Variants in OCA2 observed in about 807,000 individuals in gnomAD.
The protein encoded by OCA2 is P protein.
Under a neutral mutation model 100.2 loss-of-function variants are expected in OCA2, and 77 were observed. That is an observed-to-expected ratio of 0.77 (90% CI 0.64 to 0.93). The LOEUF is 0.93. OCA2 is among the 40% of genes least tolerant of loss of function. The pLI is 0.00. For synonymous variants in OCA2, 432 were observed against 439.2 expected (o/e 0.98, Z 0.21); for missense variants, 1,062 against 1,089.1 (o/e 0.98, Z 0.35).
intron 4 of OCA2, 32 bp downstream of exon 4, chr15:28,027,839 G>A (rs1437987685): frequency 5.0e-6 from 8 of 1,609,968 alleles, no homozygotes; most frequent in Non-Finnish European, 5.9e-6. Flanking sequence ...GGCCACCGCT[G>A]CTGCCAGGGT....
intron 19 of OCA2, among the ~76,000 whole-genome samples, chr15:27,897,386 G>A (rs1319004830): frequency 6.6e-6 from 1 of 152,016 alleles, no homozygotes; most frequent in African/African-American, 2.4e-5. Flanking sequence ...TCCCTGCTCT[G>A]TGCAGCCCAG....
At chr15:27,842,279 T>C (rs180843503) in intron 23 of OCA2, among the ~76,000 whole-genome samples, 37 of 152,238 alleles carry the variant, frequency 2.4e-4, no homozygotes, top group African/African-American at 8.9e-4. Context: ...GCAGGAAAAA[T>C]GTAAGAAAAC....
At chr15:27,921,092 T>G (rs563757827) in intron 19 of OCA2, among the ~76,000 whole-genome samples, 79 of 152,082 alleles carry the variant, frequency 5.2e-4, no homozygotes, top group Non-Finnish European at 9.9e-4. Flanking sequence ...CTAAAGATCT[T>G]AAAAGTTAAA....
chr15:27,953,267 C>CT (rs1275833175), intron 17 of OCA2, among the ~76,000 whole-genome samples: 1 of 152,204 alleles, frequency 6.6e-6, no homozygotes, highest in African/African-American at 2.4e-5. Flanking sequence ...GGTAAAGCTG[C>CT]TGCCATCAAA....
At chr15:27,846,831 C>T (rs915347463) in intron 22 of OCA2, among the ~76,000 whole-genome samples, 8 of 151,980 alleles carry the variant, frequency 5.3e-5, no homozygotes, top group Non-Finnish European at 1.0e-4. Context: ...CTGGGGCCTG[C>T]ATGAGGAAGG....
At chr15:28,003,005 A>G (rs984132782) in intron 9 of OCA2, among the ~76,000 whole-genome samples, 1 of 152,252 alleles carries the variant, frequency 6.6e-6, no homozygotes, top group African/African-American at 2.4e-5. Flanking sequence ...GCAGTCCTCC[A>G]GCATCCGAAA....
the OCA2 span, among the ~76,000 whole-genome samples, chr15:27,748,507 C>T: frequency 6.6e-5 from 10 of 152,210 alleles, no homozygotes; most frequent in African/African-American, 1.9e-4. Flanking sequence ...TCATTGGAGC[C>T]GCAGTGCACA....
At chr15:28,049,839 G>C (rs1380862447) in intron 2 of OCA2, among the ~76,000 whole-genome samples, 1 of 152,208 alleles carries the variant, frequency 6.6e-6, no homozygotes, top group Non-Finnish European at 1.5e-5. Flanking sequence ...AATGAGCACA[G>C]AGTTCATAGT....
At chr15:27,746,529 A>T in the OCA2 span, among the ~76,000 whole-genome samples, 3 of 152,190 alleles carry the variant, frequency 2.0e-5, 1 homozygote, top group Admixed American at 2.0e-4. Flanking sequence ...ACTTAACTAG[A>T]AAGAAAAACA....
chr15:27,968,466 G>A (rs551852123), intron 14 of OCA2, among the ~76,000 whole-genome samples: 249 of 152,350 alleles, frequency 1.6e-3, no homozygotes, highest in Non-Finnish European at 2.6e-3. Context: ...AGGATCCCAC[G>A]TTGGGAGTTT....
chr15:27,782,465 A>T (rs2151093090), intron 23 of OCA2, among the ~76,000 whole-genome samples: 1 of 152,340 alleles, frequency 6.6e-6, no homozygotes, highest in South Asian at 2.1e-4. Flanking sequence ...AAATTGAAAA[A>T]CCACAGCAAA....
intron 9 of OCA2, among the ~76,000 whole-genome samples, chr15:28,000,765 CA>C (rs543283023): frequency 6.6e-6 from 1 of 151,822 alleles, no homozygotes; most frequent in South Asian, 2.1e-4. Flanking sequence ...GAATCAAGAG[CA>C]AAAAAATCAA....
the OCA2 span, among the ~76,000 whole-genome samples, chr15:27,739,734 C>A: frequency 2.0e-5 from 3 of 152,154 alleles, no homozygotes; most frequent in South Asian, 2.1e-4. Context: ...GTGTGAGCCA[C>A]AGCGCCTGGC....
In OCA2 at chr15:28,014,787, T is replaced by A; in HGVS notation, c.1033A>T (p.Ile345Phe). 1 of 1,613,266 alleles carries A rather than the reference T, an allele frequency of 6.2e-7. No individual in the cohort carries two copies. The highest frequency in any genetic ancestry group is 8.5e-7 in the Non-Finnish European group (1 of 1,179,976). Reference protein sequence around the residue: ...TAILAGVYALIIFEIVHRTLA... With the variant: ...TAILAGVYALFIFEIVHRTLA... ...GGTGTGAAAGTTACCTCAAATATGA[T>A]CAGCGCGTAGACGCCCGCGAGGATG... Residue 345 changes from isoleucine (I) to phenylalanine (F), a missense_variant, in exon 9 of 24, where the codon ATC (isoleucine) becomes TTC (phenylalanine). Transcript: ENST00000354638.
Position 27,830,656 on chromosome 15 carries a change from G to A in OCA2, c.2432+14303C>T, listed in dbSNP as rs997147590. On this transcript the variant is annotated intron_variant, in intron 23 of 23. Transcript: ENST00000354638. The stretch of plus-strand genomic sequence containing the variant: ...AAAGAATGTGTGTGTATGTGTGTGC[G>A]ACTGTGTGTATATCAACTGAGAGGG... Among the ~76,000 whole-genome samples the A allele has an allele frequency of 3.3e-5, 5 of 152,262 alleles. No individual in the cohort carries two copies. In the South Asian group the frequency reaches 6.2e-4, roughly 19 times the overall value.
chr15:27,980,081 G>A (rs2041106909), intron 14 of OCA2, among the ~76,000 whole-genome samples: 1 of 151,610 alleles, frequency 6.6e-6, no homozygotes, highest in Non-Finnish European at 1.5e-5. Context: ...CTACTTACAT[G>A]TTACATTACT....
At chr15:28,024,728 C>G in intron 5 of OCA2, 117 bp downstream of exon 5, 10 of 1,072,284 alleles carry the variant, frequency 9.3e-6, no homozygotes, top group Non-Finnish European at 1.4e-5. Flanking sequence ...GTCAGAGAAT[C>G]AGGCGAAGAG....
chr15:27,918,181 C>T (rs1201908321), intron 19 of OCA2, among the ~76,000 whole-genome samples: 1 of 150,652 alleles, frequency 6.6e-6, no homozygotes, highest in East Asian at 2.0e-4. Flanking sequence ...GAAACCTCCA[C>T]CTCCTGGATT....
At chr15:27,728,876 A>G in the OCA2 span, among the ~76,000 whole-genome samples, 1 of 152,158 alleles carries the variant, frequency 6.6e-6, no homozygotes, top group Non-Finnish European at 1.5e-5. Context: ...CTGACAATAA[A>G]TCTCTCAATT....
Sources: gnomAD v4.1 joint callset for allele counts (sites outside exome capture counted in the v4.1 genomes callset) on GRCh38, gnomAD v4.1.1 for gene constraint, MANE v1.5 for transcripts, NCBI Gene and HGNC (gene_info 2026-07-23, HGNC 2026-07-21) for gene names.